Variants in DLG1 observed in about 807,000 individuals in gnomAD.
DLG1 encodes the protein disks large homolog 1.
DLG1 carries 42 observed loss-of-function variants against 123.4 expected under a neutral mutation model. The observed-to-expected ratio is 0.34, with a 90% CI of 0.27 to 0.44. DLG1 has a LOEUF of 0.44. Among genes scored for constraint, DLG1 ranks in the 20% least tolerant of loss-of-function variants. The pLI is 1.00. For synonymous variants in DLG1, 317 were observed against 356.2 expected, an observed-to-expected ratio of 0.89 and a Z score of 1.24; for missense variants, 942 against 1,082.6, an observed-to-expected ratio of 0.87 and a Z score of 1.82.
In DLG1 at chr3:197,066,635, AT is replaced by A. The variant is rs913725421; in HGVS notation, c.2098+68del. 2.7e-5 allele frequency: 34 copies of A among 1,273,980 alleles called. 1 individual carries two copies. The highest frequency in any genetic ancestry group is 1.2e-4 in the South Asian group (8 of 69,242). The allele number at this position is 1,273,980 out of a possible 1,614,324, so 78.9% of individuals were successfully genotyped here. On this transcript the variant is annotated intron_variant, in intron 20 of 24. Coordinates refer to ENST00000667157, the MANE Select transcript of DLG1 (RefSeq NM_001366207.1). The stretch of plus-strand genomic sequence containing the variant: ...ATACAACATTTTTTGGGGTATGAGA[AT>A]TTTTTTCCCCCAAATTAAAAAGTAT...
intron 5 of DLG1, among the ~76,000 whole-genome samples, chr3:197,179,490 TAATC>T (rs1808956005): frequency 6.6e-6 from 1 of 152,196 alleles, no homozygotes; most frequent in Non-Finnish European, 1.5e-5. Flanking sequence ...CAAATTAACT[TAATC>T]AGTCAACAAT....
intron 4 of DLG1, among the ~76,000 whole-genome samples, chr3:197,246,847 G>A (rs1223105342): frequency 6.6e-6 from 1 of 152,156 alleles, no homozygotes; most frequent in Admixed American, 6.5e-5. Flanking sequence ...ATCCCATTGA[G>A]GGTCTTGGGC....
intron 3 of DLG1, among the ~76,000 whole-genome samples, chr3:197,286,347 G>C (rs1443627384): frequency 2.0e-5 from 3 of 152,202 alleles, no homozygotes; most frequent in African/African-American, 7.2e-5. Flanking sequence ...CCACAGAAAA[G>C]AGGGTGGGGG....
At chr3:197,132,409 T>C (rs1403556075) in intron 10 of DLG1, among the ~76,000 whole-genome samples, 1 of 152,214 alleles carries the variant, frequency 6.6e-6, no homozygotes. Flanking sequence ...ACCTTTATAG[T>C]TGACTATTGC....
intron 24 of DLG1, among the ~76,000 whole-genome samples, chr3:197,047,158 G>A (rs1284251529): frequency 6.6e-6 from 1 of 152,090 alleles, no homozygotes; most frequent in African/African-American, 2.4e-5. Context: ...AGTTAGATGA[G>A]ACATATAATT....
In DLG1 at chr3:197,282,828, C is replaced by G; in HGVS notation, c.169G>C (p.Glu57Gln). The change falls in exon 4 of 25, where the codon GAA becomes CAA. Residue 57 changes from glutamate to glutamine, a missense_variant. Physicochemically the swap from Glu to Gln is conservative, Grantham distance 29 (BLOSUM62 2). Transcript: ENST00000667157. ...QALIDIQEFY[E>Q]VTLLDNPKCI... ...TTTGGATTATCCAGTAAGGTCACTT[C>G]ATAAAATTCTTGAATATCTAGAAGA... 1 of 1,568,164 alleles carries G rather than the reference C, an allele frequency of 6.4e-7. No individual in the cohort carries two copies. Among genetic ancestry groups the G allele is most frequent in the Non-Finnish European group, 8.6e-7 (1 of 1,156,498 alleles).
intron 4 of DLG1, among the ~76,000 whole-genome samples, chr3:197,266,749 G>GC: frequency 6.6e-6 from 1 of 151,758 alleles, no homozygotes; most frequent in East Asian, 1.9e-4. Context: ...TGAAGACATA[G>GC]CAACAGCAAT....
At chr3:197,160,476 T>A (rs1000338601) in intron 5 of DLG1, among the ~76,000 whole-genome samples, 3 of 152,146 alleles carry the variant, frequency 2.0e-5, no homozygotes, top group Non-Finnish European at 2.9e-5. Flanking sequence ...ATATTTTATT[T>A]ATAAATTCAA....
chr3:197,101,063 C>A (rs1763165761), intron 14 of DLG1, among the ~76,000 whole-genome samples: 3 of 152,166 alleles, frequency 2.0e-5, no homozygotes, highest in South Asian at 4.1e-4. Context: ...TTGCCTCTTG[C>A]ATCCATATAC....
At chr3:197,187,413 G>A (rs926671010) in intron 5 of DLG1, among the ~76,000 whole-genome samples, 1 of 152,144 alleles carries the variant, frequency 6.6e-6, no homozygotes, top group South Asian at 2.1e-4. Flanking sequence ...ACTAAGAGCT[G>A]CTAGTGATTT....
At chr3:197,256,797 G>T (rs1757083309) in intron 4 of DLG1, among the ~76,000 whole-genome samples, 1 of 152,108 alleles carries the variant, frequency 6.6e-6, no homozygotes, top group African/African-American at 2.4e-5. Context: ...AAAATGAGGA[G>T]CTAAGACTAA....
intron 15 of DLG1, among the ~76,000 whole-genome samples, chr3:197,086,829 A>G (rs1441440955): frequency 1.3e-5 from 2 of 152,248 alleles, no homozygotes; most frequent in African/African-American, 4.8e-5. Context: ...AAGAGGTAGT[A>G]CAAATGTCAA....
intron 10 of DLG1, among the ~76,000 whole-genome samples, chr3:197,134,698 G>C (rs576142416): frequency 1.3e-5 from 2 of 152,288 alleles, no homozygotes; most frequent in East Asian, 3.9e-4. Flanking sequence ...GCTGGGACTG[G>C]GCATGGCTGA....
chr3:197,062,057 G>T (rs1736191624), intron 22 of DLG1, among the ~76,000 whole-genome samples: 1 of 152,126 alleles, frequency 6.6e-6, no homozygotes, highest in Non-Finnish European at 1.5e-5. Context: ...ACAGTCCAAA[G>T]CGTTCCCTTC....
intron 4 of DLG1, among the ~76,000 whole-genome samples, chr3:197,263,616 A>G (rs1221126429): frequency 6.6e-6 from 1 of 151,920 alleles, no homozygotes; most frequent in Non-Finnish European, 1.5e-5. Flanking sequence ...GTGAAATCCC[A>G]TCTCTACTAC....
chr3:197,045,098 GTAAGGA>G, intron 24 of DLG1, among the ~76,000 whole-genome samples: 2 of 151,436 alleles, frequency 1.3e-5, no homozygotes, highest in East Asian at 3.9e-4. Context: ...ACAGGATGAT[GTAAGGA>G]TAATTTTTTT....
At chr3:197,050,366 C>CAA (rs71161992) in intron 24 of DLG1, among the ~76,000 whole-genome samples, 21 of 148,066 alleles carry the variant, frequency 1.4e-4, no homozygotes, top group South Asian at 4.3e-4. Flanking sequence ...GACTCCATTT[C>CAA]AAAAAAAAAC....
chr3:197,050,674 A>C (rs1726964668), intron 24 of DLG1, among the ~76,000 whole-genome samples: 1 of 152,054 alleles, frequency 6.6e-6, no homozygotes, highest in Non-Finnish European at 1.5e-5. Flanking sequence ...AGAGTAGAAG[A>C]GATGGGGAGA....
rs185270433 is a variant in DLG1 at position 197,283,901 on chromosome 3, G to A, written c.152-1056C>T. On this transcript the variant is annotated intron_variant, in intron 3 of 24. Transcript: ENST00000667157. ...TTTTGAGACAGAGTCTCGCTCTGTCGCCCAGGCTGGAGTGCAGTGGTATGA... is the reference window on the plus strand; with the variant it reads ...TTTTGAGACAGAGTCTCGCTCTGTCACCCAGGCTGGAGTGCAGTGGTATGA... 3.2e-4 allele frequency among the ~76,000 whole-genome samples: 42 copies of A among 131,512 alleles called. No homozygotes were observed. In the East Asian group the frequency reaches 8.2e-3, roughly 26 times the overall value. 86.3% of individuals were successfully genotyped at this position (131,512 alleles called of 152,430 possible). A position where few individuals can be genotyped will look rare whatever the true frequency, so the allele number is the denominator to read the frequency against.
Sources: allele counts gnomAD v4.1 joint callset (sites outside exome capture counted in the v4.1 genomes callset), GRCh38; gene constraint gnomAD v4.1.1; transcripts MANE v1.5; gene names NCBI Gene and HGNC (gene_info 2026-07-23, HGNC 2026-07-21).